GPALPP1: variants seen among roughly 807,000 people sequenced by gnomAD.
The protein encoded by GPALPP1 is GPALPP motifs containing 1.
GPALPP1 carries 30 observed loss-of-function variants against 38.9 expected under a neutral mutation model. The observed-to-expected ratio is 0.77, with a 90% CI of 0.58 to 1.05. The LOEUF is 1.05. Among genes scored for constraint, GPALPP1 ranks in the 50% least tolerant of loss-of-function variants. The probability of loss-of-function intolerance (pLI) is 0.00; values close to 1 mark genes in which losing one functional copy is unlikely to be tolerated. For synonymous variants in GPALPP1, 120 were observed against 139.2 expected, an observed-to-expected ratio of 0.86 and a Z score of 0.97; for missense variants, 384 against 408.8, an observed-to-expected ratio of 0.94 and a Z score of 0.52.
At chr13:45,015,304 C>CT in intron 5 of GPALPP1, 128 bp from the exon 6 acceptor site, 1 of 598,836 alleles carries the variant, frequency 1.7e-6, no homozygotes, top group East Asian at 3.1e-5. Flanking sequence ...AACATCGATC[C>CT]TTTATATTAG....
chr13:45,011,277 T>G (rs1874456173), intron 4 of GPALPP1, among the ~76,000 whole-genome samples: 1 of 152,200 alleles, frequency 6.6e-6, no homozygotes, highest in South Asian at 2.1e-4. Context: ...ACGCTTAGCT[T>G]CATGATCAGT....
intron 6 of GPALPP1, 94 bp from the exon 7 acceptor site, chr13:45,020,236 C>A: frequency 1.7e-6 from 1 of 574,306 alleles, no homozygotes; most frequent in Non-Finnish European, 3.1e-6. Flanking sequence ...TTAGTTGTGT[C>A]TCTTGTTACT....
At position 45,008,864 on chromosome 13, in the gene GPALPP1, T is replaced by A; in HGVS notation, c.393T>A (p.Asp131Glu). The change falls in exon 4 of 8, where the codon GAT (aspartate) becomes GAA (glutamate). Residue 131 changes from aspartate to glutamate, a missense_variant. Coordinates refer to ENST00000379151, the MANE Select transcript of GPALPP1 (RefSeq NM_018559.5). ...KSTQKSDKGRDDPGQQETDSS... is the reference protein window; with the variant it reads ...KSTQKSDKGREDPGQQETDSS... ...CACAGAAAAGTGACAAGGGCAGAGA[T>A]GATCCAGGACAACAGGTATCATCAT... 1 of 1,585,854 alleles carries A rather than the reference T, an allele frequency of 6.3e-7. No individual in the cohort carries two copies. The highest frequency in any genetic ancestry group is 8.7e-7 in the Non-Finnish European group (1 of 1,154,410).
intron 7 of GPALPP1, among the ~76,000 whole-genome samples, chr13:45,026,679 C>A (rs532621530): frequency 6.6e-6 from 1 of 152,256 alleles, no homozygotes; most frequent in Admixed American, 6.5e-5. Flanking sequence ...TTCCATTACC[C>A]ACTCTTCAAT....
At chr13:45,009,142 G>C (rs1874305261) in intron 4 of GPALPP1, 2 of 509,976 alleles carry the variant, frequency 3.9e-6, no homozygotes, top group Non-Finnish European at 7.2e-6. Flanking sequence ...ATCTTTGAAG[G>C]GGGACTTTAA....
intron 7 of GPALPP1, among the ~76,000 whole-genome samples, chr13:45,022,315 C>T (rs1350228246): frequency 6.6e-6 from 1 of 152,060 alleles, no homozygotes; most frequent in Non-Finnish European, 1.5e-5. Context: ...TAGGAAACAG[C>T]ATATGCCTGA....
At chr13:45,027,724 A>G in intron 7 of GPALPP1, 61 bp from the exon 8 acceptor site, 3 of 788,370 alleles carry the variant, frequency 3.8e-6, no homozygotes, top group Admixed American at 2.3e-5. Context: ...TCATGGTCAT[A>G]TTCTGTCAAT....
intron 3 of GPALPP1, among the ~76,000 whole-genome samples, chr13:45,007,030 C>T (rs1230815638): frequency 1.3e-5 from 2 of 151,814 alleles, no homozygotes; most frequent in Admixed American, 1.3e-4. Flanking sequence ...AGTTTATAAT[C>T]ACATTTGGCA....
intron 6 of GPALPP1, among the ~76,000 whole-genome samples, chr13:45,015,798 C>T (rs888179890): frequency 3.3e-5 from 5 of 152,254 alleles, no homozygotes; most frequent in East Asian, 1.9e-4. Context: ...TCCCAATAAA[C>T]GGTCTCATTT....
intron 1 of GPALPP1, among the ~76,000 whole-genome samples, chr13:44,999,523 T>C (rs1873515371): frequency 6.6e-6 from 1 of 152,200 alleles, no homozygotes; most frequent in South Asian, 2.1e-4. Context: ...AAGCCAGACA[T>C]GTCCTTACTT....
intron 1 of GPALPP1, among the ~76,000 whole-genome samples, chr13:44,991,468 C>A (rs1244756092): frequency 1.3e-5 from 2 of 151,918 alleles, no homozygotes; most frequent in African/African-American, 2.4e-5. Context: ...GAAAAAGATT[C>A]TTCGTATATA....
chr13:45,004,583 A>G (rs915760404), intron 2 of GPALPP1, 146 bp downstream of exon 2: 3 of 587,166 alleles, frequency 5.1e-6, no homozygotes, highest in African/African-American at 3.8e-5. Flanking sequence ...ATCCTGAATT[A>G]TACCTTTTAC....
rs1489500239 is a variant in GPALPP1 at position 45,004,404 on chromosome 13, A to C, written c.188A>C (p.Glu63Ala). 2 of 1,610,278 alleles carry C rather than the reference A, an allele frequency of 1.2e-6. No individual in the cohort carries two copies. Among genetic ancestry groups the C allele is most frequent in the South Asian group, 2.2e-5 (2 of 90,994 alleles). ...SSSLYEEGNQ[E>A]SEEDDSGPTA... is the part of the protein sequence containing the mutation. The stretch of plus-strand genomic sequence containing the variant: ...TCTTTGTACGAAGAAGGAAATCAAG[A>C]ATCTGAAGAAGATGACAGTGGTCCA... The change falls in exon 2 of 8, where the codon GAA (glutamate) becomes GCA (alanine). Residue 63 changes from glutamate to alanine, a missense_variant. By Grantham distance (107) the Glu-to-Ala change is moderately radical. Coordinates refer to ENST00000379151, the MANE Select transcript of GPALPP1 (RefSeq NM_018559.5).
Position 45,012,637 on chromosome 13 carries a change from C to A in GPALPP1, c.409-2315C>A, listed in dbSNP as rs530985311. 2.6e-5 allele frequency among the ~76,000 whole-genome samples: 4 copies of A among 152,278 alleles called. No homozygotes were observed. In the East Asian group the frequency reaches 7.7e-4, roughly 29 times the overall value. The stretch of plus-strand genomic sequence containing the variant: ...CATCGTTTCCTTGGTGGTACACATT[C>A]TACATTCCCTGGCTTCTTTTGGTAG... On this transcript the variant is annotated intron_variant, in intron 4 of 7. Coordinates refer to ENST00000379151, the MANE Select transcript of GPALPP1 (RefSeq NM_018559.5).
chr13:44,993,727 G>A (rs1009507326), intron 1 of GPALPP1, among the ~76,000 whole-genome samples: 3 of 150,464 alleles, frequency 2.0e-5, no homozygotes, highest in African/African-American at 7.3e-5. Flanking sequence ...GTTGTCTACA[G>A]CAGCTGCACC....
Position 45,019,066 on chromosome 13 carries a change from T to G in GPALPP1, c.706-1264T>G, listed in dbSNP as rs865822802. On this transcript the variant is annotated intron_variant, in intron 6 of 7. Coordinates refer to ENST00000379151, the MANE Select transcript of GPALPP1 (RefSeq NM_018559.5). Reference sequence around the variant, plus strand: ...ATATATAAATATAAATATATACATATAAATATATACATATAAATATATGTA... The same window carrying G: ...ATATATAAATATAAATATATACATAGAAATATATACATATAAATATATGTA... 0.014 allele frequency among the ~76,000 whole-genome samples: 475 copies of G among 34,710 alleles called. 49 individuals carry two copies. The Middle Eastern group carries it at 0.18, about 13-fold the overall frequency. 22.8% of individuals were successfully genotyped at this position (34,710 alleles called of 152,430 possible).
intron 7 of GPALPP1, among the ~76,000 whole-genome samples, chr13:45,022,835 G>T (rs1222745595): frequency 6.6e-6 from 1 of 152,156 alleles, no homozygotes; most frequent in African/African-American, 2.4e-5. Context: ...AAGAGATAGA[G>T]ACCAGCCTGG....
At chr13:44,991,673 A>T (rs1454946824) in intron 1 of GPALPP1, among the ~76,000 whole-genome samples, 3 of 152,200 alleles carry the variant, frequency 2.0e-5, no homozygotes, top group African/African-American at 7.2e-5. Flanking sequence ...TGCCAGTACC[A>T]ATGGCCTTCA....
At chr13:45,025,428 C>A (rs1875764662) in intron 7 of GPALPP1, among the ~76,000 whole-genome samples, 1 of 151,866 alleles carries the variant, frequency 6.6e-6, no homozygotes, top group Non-Finnish European at 1.5e-5. Context: ...AAGATCTTTC[C>A]AAGTCTGTAT....
Sources: allele counts gnomAD v4.1 joint callset (sites outside exome capture counted in the v4.1 genomes callset), GRCh38; gene constraint gnomAD v4.1.1; transcripts MANE v1.5; gene names NCBI Gene and HGNC (gene_info 2026-07-23, HGNC 2026-07-21).